TMEM131: variants seen among roughly 807,000 people sequenced by gnomAD.
TMEM131 encodes the protein transmembrane protein 131, also known as 2610524E03Rik.
In TMEM131, 66 loss-of-function variants were observed where a neutral mutation model predicts 211.6. The ratio of observed to expected loss-of-function variants is 0.31; its 90% CI spans 0.26 to 0.38. The LOEUF (loss-of-function observed/expected upper bound fraction) is 0.38, where lower values mean the gene tolerates loss of function less well. Ranked by LOEUF, TMEM131 falls within the 10% of genes least tolerant of loss-of-function variation. The pLI is 1.00. For synonymous variants in TMEM131, 844 were observed against 841.3 expected (o/e 1.00, Z -0.06); for missense variants, 2,036 against 2,299.3 (o/e 0.89, Z 2.34).
chr2:97,876,174 G>A (rs1389154611), intron 4 of TMEM131, among the ~76,000 whole-genome samples: 1 of 152,162 alleles, frequency 6.6e-6, no homozygotes, highest in Non-Finnish European at 1.5e-5. Context: ...TCGAATCCCT[G>A]AATAGACCAA....
rs996309867 is a variant in TMEM131 at position 97,762,341 on chromosome 2, G to C, written c.4724-141C>G. The C allele has an allele frequency of 1.9e-5, 15 of 808,264 alleles. No individual in the cohort carries two copies. The East Asian group carries it at 2.0e-4, about 11-fold the overall frequency. 50.1% of individuals were successfully genotyped at this position (808,264 alleles called of 1,614,324 possible). On this transcript the variant is annotated intron_variant, in intron 35 of 40. Coordinates refer to ENST00000186436, the MANE Select transcript of TMEM131 (RefSeq NM_015348.2). The stretch of plus-strand genomic sequence containing the variant: ...AAACGAAAGCTCTTAGATGTGTTCT[G>C]TTTAACAGGTTTTAAAGAGAAAGCA...
At chr2:97,957,545 T>C (rs1371608820) in intron 1 of TMEM131, among the ~76,000 whole-genome samples, 3 of 152,050 alleles carry the variant, frequency 2.0e-5, no homozygotes, top group African/African-American at 7.2e-5. Context: ...AGCTAACTCA[T>C]AGGATGGGGA....
At chr2:97,990,297 T>C (rs1052192182) in intron 1 of TMEM131, among the ~76,000 whole-genome samples, 10 of 152,038 alleles carry the variant, frequency 6.6e-5, no homozygotes, top group Admixed American at 2.6e-4. Context: ...GAAAGTGATA[T>C]GAAAGCTTGT....
intron 4 of TMEM131, among the ~76,000 whole-genome samples, chr2:97,883,060 G>T (rs1037614939): frequency 6.6e-6 from 1 of 152,042 alleles, no homozygotes; most frequent in Non-Finnish European, 1.5e-5. Flanking sequence ...CTTCTAGCTG[G>T]GTCCTCACAT....
intron 12 of TMEM131, among the ~76,000 whole-genome samples, chr2:97,815,597 C>T (rs1249351026): frequency 6.6e-6 from 1 of 152,156 alleles, no homozygotes; most frequent in Non-Finnish European, 1.5e-5. Flanking sequence ...CAGGCTTTGG[C>T]TTTACTTACA....
intron 5 of TMEM131, among the ~76,000 whole-genome samples, chr2:97,855,559 G>C (rs915687860): frequency 6.6e-6 from 1 of 152,076 alleles, no homozygotes; most frequent in African/African-American, 2.4e-5. Flanking sequence ...AAATTAGCTG[G>C]GTGTGGTAGC....
At chr2:97,843,007 T>A (rs907048559) in intron 6 of TMEM131, among the ~76,000 whole-genome samples, 1 of 151,348 alleles carries the variant, frequency 6.6e-6, no homozygotes, top group Non-Finnish European at 1.5e-5. Flanking sequence ...ACACTGACTC[T>A]GACTGACCCT....
rs868018907 is a variant in TMEM131, at chr2:97,917,950, T to C, written c.250-9252A>G. On this transcript the variant is annotated intron_variant, in intron 2 of 40. Transcript: ENST00000186436. The stretch of plus-strand genomic sequence containing the variant: ...CACATGATTGGTTTTTTTCTCTCTT[T>C]TTTTTTTTTTTCTTGAGACAGAATC... 7.9e-3 allele frequency among the ~76,000 whole-genome samples: 1,190 copies of C among 150,488 alleles called. 23 individuals are homozygous for C. Among genetic ancestry groups the C allele is most frequent in the African/African-American group, 0.027 (1,097 of 41,146 alleles).
intron 3 of TMEM131, among the ~76,000 whole-genome samples, chr2:97,901,391 A>G (rs966601790): frequency 6.6e-6 from 1 of 151,850 alleles, no homozygotes; most frequent in Non-Finnish European, 1.5e-5. Context: ...TGATTTTTGT[A>G]TATGGTGAGA....
At chr2:97,832,924 T>C (rs1358899738) in intron 11 of TMEM131, among the ~76,000 whole-genome samples, 1 of 152,216 alleles carries the variant, frequency 6.6e-6, no homozygotes. Flanking sequence ...TGACAAGTGT[T>C]AACAGCACTT....
chr2:97,964,810 C>G (rs1480399172), intron 1 of TMEM131, among the ~76,000 whole-genome samples: 1 of 152,148 alleles, frequency 6.6e-6, no homozygotes, highest in Non-Finnish European at 1.5e-5. Context: ...AAATAAGTTA[C>G]CAAGCAGTAA....
chr2:97,875,570 A>T (rs1376721774), intron 4 of TMEM131, among the ~76,000 whole-genome samples: 2 of 152,238 alleles, frequency 1.3e-5, no homozygotes, highest in African/African-American at 4.8e-5. Context: ...AAACTCACTT[A>T]AAACTGCACA....
chr2:97,947,877 C>G (rs1380008264), intron 1 of TMEM131, among the ~76,000 whole-genome samples: 1 of 151,936 alleles, frequency 6.6e-6, no homozygotes, highest in Admixed American at 6.6e-5. Context: ...AAAAGTAGAC[C>G]CCCACATATA....
At chr2:97,818,481 G>GGGGAAAAA in intron 12 of TMEM131, 132 bp downstream of exon 12, 2 of 293,268 alleles carry the variant, frequency 6.8e-6, no homozygotes, top group Non-Finnish European at 1.3e-5. Flanking sequence ...GGCGGGGGGG[G>GGGGAAAAA]ATCAACCTAA....
chr2:97,815,707 G>A lies in TMEM131; in HGVS notation c.1184-400C>T, dbSNP rs528561598. 1.0e-3 allele frequency among the ~76,000 whole-genome samples: 153 copies of A among 152,190 alleles called. 1 individual carries two copies. The highest frequency in any genetic ancestry group is 3.4e-3 in the African/African-American group (140 of 41,512). On this transcript the variant is annotated intron_variant, in intron 12 of 40. Coordinates refer to ENST00000186436, the MANE Select transcript of TMEM131 (RefSeq NM_015348.2). ...ACTGTAGGATGTTTAGCAGCATCCC[G>A]GACCTCTACTTGCTAGACGGCAGTA...
intron 4 of TMEM131, among the ~76,000 whole-genome samples, chr2:97,879,468 G>A (rs1026895318): frequency 1.3e-5 from 2 of 152,084 alleles, no homozygotes; most frequent in Non-Finnish European, 2.9e-5. Context: ...CCAAAACAGA[G>A]GGAGATTAAA....
intron 2 of TMEM131, among the ~76,000 whole-genome samples, chr2:97,919,417 G>C (rs944189588): frequency 6.6e-6 from 1 of 152,036 alleles, no homozygotes; most frequent in Non-Finnish European, 1.5e-5. Flanking sequence ...ATTGGGTATA[G>C]AATTCTAGTT....
At position 97,941,660 on chromosome 2, in the gene TMEM131, C is replaced by T. The variant is rs139109100; in HGVS notation, c.188-14173G>A. 3.7e-3 allele frequency among the ~76,000 whole-genome samples: 569 copies of T among 152,214 alleles called. 7 individuals carry two copies. In the East Asian group the frequency reaches 0.041, roughly 11 times the overall value. ...TCAAACAACCCCATCAAAAAGTGGG[C>T]GAAGGATATGAACAGGCACTTCTCA... On this transcript the variant is annotated intron_variant, in intron 1 of 40. Coordinates refer to ENST00000186436, the MANE Select transcript of TMEM131 (RefSeq NM_015348.2).
At chr2:97,887,421 C>A (rs1429402248) in intron 4 of TMEM131, among the ~76,000 whole-genome samples, 1 of 152,142 alleles carries the variant, frequency 6.6e-6, no homozygotes, top group Non-Finnish European at 1.5e-5. Flanking sequence ...ATTGGGCAGG[C>A]CAAGGAAATA....
Sources: allele counts gnomAD v4.1 joint callset (sites outside exome capture counted in the v4.1 genomes callset), GRCh38; gene constraint gnomAD v4.1.1; transcripts MANE v1.5; gene names NCBI Gene and HGNC (gene_info 2026-07-23, HGNC 2026-07-21).